The following TBC1D14 variants were observed in gnomAD, a reference collection of about 807,000 sequenced individuals.
TBC1D14 encodes the protein TBC1 domain family member 14.
TBC1D14 carries 26 observed loss-of-function variants against 79.0 expected under a neutral mutation model. The observed-to-expected ratio is 0.33, with a 90% CI of 0.24 to 0.46. The LOEUF is 0.46. Ranked by LOEUF, TBC1D14 falls within the 20% of genes least tolerant of loss-of-function variation. The pLI, the probability that TBC1D14 is intolerant of heterozygous loss-of-function variation, is 1.00. For missense variants in TBC1D14, 769 were observed against 887.6 expected, an observed-to-expected ratio of 0.87 and a Z score of 1.70; for synonymous variants, 394 against 349.9, an observed-to-expected ratio of 1.13 and a Z score of -1.40.
rs546017644 is a variant in TBC1D14, at chr4:6,969,112, A to C, written c.843+1688A>C. Among the ~76,000 whole-genome samples, 49 of 152,302 alleles carry C rather than the reference A, an allele frequency of 3.2e-4. 1 individual carries two copies. Among genetic ancestry groups the C allele is most frequent in the Middle Eastern group, 3.4e-3 (1 of 294 alleles). ...TTCTCTGCTGTAATCATCTGGACCC[A>C]GGGGACTCACTAAGTAAATCAGTGT... On this transcript the variant is annotated intron_variant, in intron 3 of 13. Transcript: ENST00000409757.
At chr4:7,027,843 TACCC>T (rs1275837735) in intron 13 of TBC1D14, among the ~76,000 whole-genome samples, 1 of 112,952 alleles carries the variant, frequency 8.9e-6, no homozygotes, top group East Asian at 3.0e-4. Context: ...CACACAGGCA[TACCC>T]ACACACACAC....
chr4:7,001,377 C>G, intron 7 of TBC1D14, 126 bp downstream of exon 7: 1 of 804,266 alleles, frequency 1.2e-6, no homozygotes, highest in Non-Finnish European at 2.0e-6. Flanking sequence ...GACCAGGAGA[C>G]TGTGTCCTTC....
intron 5 of TBC1D14, chr4:6,998,877 G>T: frequency 1.8e-6 from 1 of 547,458 alleles, no homozygotes; most frequent in Non-Finnish European, 3.3e-6. Context: ...TTCCTGTCTA[G>T]ATGTTAGACT....
chr4:7,009,454 T>C (rs1282044542), intron 9 of TBC1D14, among the ~76,000 whole-genome samples: 1 of 152,158 alleles, frequency 6.6e-6, no homozygotes, highest in Non-Finnish European at 1.5e-5. Flanking sequence ...GTGATAAGCC[T>C]GGGAGGAGAG....
intron 12 of TBC1D14, among the ~76,000 whole-genome samples, chr4:7,020,912 G>GT (rs1560360959): frequency 1.3e-5 from 2 of 152,176 alleles, no homozygotes; most frequent in Admixed American, 6.5e-5. Context: ...TGGAAAAGAC[G>GT]ATTGTACCTC....
At chr4:6,942,006 C>G (rs1265717551) in intron 2 of TBC1D14, among the ~76,000 whole-genome samples, 7 of 152,206 alleles carry the variant, frequency 4.6e-5, no homozygotes, top group African/African-American at 1.7e-4. Flanking sequence ...AACCCATGGG[C>G]AAGCCCATTC....
chr4:6,968,592 CT>C (rs1446293238), intron 3 of TBC1D14, among the ~76,000 whole-genome samples: 1 of 152,176 alleles, frequency 6.6e-6, no homozygotes, highest in South Asian at 2.1e-4. Flanking sequence ...GCCAGGACCC[CT>C]TTTGCAGGCA....
intron 1 of TBC1D14, among the ~76,000 whole-genome samples, chr4:6,917,547 G>A (rs1214900399): frequency 2.0e-5 from 3 of 152,104 alleles, no homozygotes; most frequent in Admixed American, 2.0e-4. Flanking sequence ...GGCCTACCTG[G>A]GAGAGCACCT....
Position 6,999,238 on chromosome 4 carries a change from G to A in TBC1D14, c.1163+36G>A, listed in dbSNP as rs376931839. ...GCTCTGGGTGTGGCTGAACTGCAGA[G>A]CATGTCTTTCTAGAATCTGTGGGCC... On this transcript the variant is annotated intron_variant, in intron 6 of 13. Coordinates refer to ENST00000409757, the MANE Select transcript of TBC1D14 (RefSeq NM_020773.3). 1.2e-5 allele frequency: 19 copies of A among 1,565,576 alleles called. No individual in the cohort carries two copies. The Admixed American group carries it at 1.5e-4, about 12-fold the overall frequency.
chr4:6,955,676 A>T (rs559529492), intron 2 of TBC1D14, among the ~76,000 whole-genome samples: 1 of 152,252 alleles, frequency 6.6e-6, no homozygotes, highest in East Asian at 1.9e-4. Context: ...GCTGAAGTGC[A>T]AACAGGCGTT....
intron 12 of TBC1D14, among the ~76,000 whole-genome samples, chr4:7,019,299 C>T (rs950468697): frequency 2.0e-5 from 3 of 152,144 alleles, no homozygotes; most frequent in Admixed American, 6.5e-5. Flanking sequence ...GGATTACAGA[C>T]GTGAGCAACC....
intron 3 of TBC1D14, among the ~76,000 whole-genome samples, chr4:6,988,051 T>C (rs1316792764): frequency 6.6e-6 from 1 of 152,218 alleles, no homozygotes; most frequent in Non-Finnish European, 1.5e-5. Context: ...AGGTCAGGCT[T>C]CAGGGGTTAG....
chr4:6,965,004 T>TG (rs1209109313), intron 2 of TBC1D14, among the ~76,000 whole-genome samples: 2 of 152,232 alleles, frequency 1.3e-5, no homozygotes, highest in Non-Finnish European at 2.9e-5. Context: ...ATACCATGTC[T>TG]GTTTACCCTT....
intron 7 of TBC1D14, among the ~76,000 whole-genome samples, chr4:7,004,106 A>T (rs865862857): frequency 1.2e-4 from 18 of 152,350 alleles, no homozygotes; most frequent in Middle Eastern, 6.8e-3. Context: ...TTCAGCCTTC[A>T]CACTTGTCCT....
chr4:7,009,275 G>A (rs976588914), intron 9 of TBC1D14, among the ~76,000 whole-genome samples: 30 of 152,144 alleles, frequency 2.0e-4, no homozygotes, highest in African/African-American at 7.2e-4. Context: ...GTGCTCCATT[G>A]GGGAAATAAT....
At chr4:6,999,612 C>A (rs1719448029) in intron 6 of TBC1D14, among the ~76,000 whole-genome samples, 1 of 152,068 alleles carries the variant, frequency 6.6e-6, no homozygotes, top group Non-Finnish European at 1.5e-5. Flanking sequence ...CCCTAGGGAG[C>A]CCCCCATAGG....
rs537896049 is a variant in TBC1D14, at chr4:7,011,792, A to G, written c.1647+1011A>G. Among the ~76,000 whole-genome samples, 41 of 151,688 alleles carry G rather than the reference A, an allele frequency of 2.7e-4. No homozygotes were observed. In the South Asian group the frequency reaches 4.4e-3, roughly 16 times the overall value. Reference sequence around the variant, plus strand: ...AGGCTGGTCTTGAACTCCTGACCTCAAGTGATCCACCTGCCTCGGCCTCCC... The same window carrying G: ...AGGCTGGTCTTGAACTCCTGACCTCGAGTGATCCACCTGCCTCGGCCTCCC... On this transcript the variant is annotated intron_variant, in intron 11 of 13. Transcript: ENST00000409757.
chr4:6,926,739 A>G, intron 2 of TBC1D14, among the ~76,000 whole-genome samples: 1 of 152,220 alleles, frequency 6.6e-6, no homozygotes. Flanking sequence ...AACATTTTAC[A>G]GGTGAGTAAA....
chr4:7,006,123 C>T (rs1720172088), intron 8 of TBC1D14, among the ~76,000 whole-genome samples: 1 of 152,038 alleles, frequency 6.6e-6, no homozygotes, highest in Non-Finnish European at 1.5e-5. Context: ...GCAGATAAGG[C>T]CAGGAGTTCA....
Sources: allele counts gnomAD v4.1 joint callset (sites outside exome capture counted in the v4.1 genomes callset), GRCh38; gene constraint gnomAD v4.1.1; transcripts MANE v1.5; gene names NCBI Gene and HGNC (gene_info 2026-07-23, HGNC 2026-07-21).